REDIC1: variants seen among roughly 807,000 people sequenced by gnomAD.
REDIC1 encodes regulator of DNA class I crossover intermediates 1.
At chr12:39,799,558 A>G in the REDIC1 span, among the ~76,000 whole-genome samples, 1 of 152,198 alleles carries the variant, frequency 6.6e-6, no homozygotes, top group African/African-American at 2.4e-5. Context: ...AAAGTAAACA[A>G]GAAGATAGCC....
the REDIC1 span, among the ~76,000 whole-genome samples, chr12:39,698,305 A>T: frequency 6.6e-6 from 1 of 152,176 alleles, no homozygotes; most frequent in Admixed American, 6.5e-5. Context: ...ACAATTTTAA[A>T]TATATATGCA....
At chr12:39,881,371 A>G in the REDIC1 span, among the ~76,000 whole-genome samples, 116 of 152,286 alleles carry the variant, frequency 7.6e-4, no homozygotes, top group South Asian at 2.5e-3. Flanking sequence ...GATATGATGA[A>G]TTATTGTACA....
At chr12:39,829,870 CTTA>C in the REDIC1 span, 1 of 532,206 alleles carries the variant, frequency 1.9e-6, no homozygotes. Flanking sequence ...ACTCCTATAC[CTTA>C]TTAGAGAAAT....
the REDIC1 span, among the ~76,000 whole-genome samples, chr12:39,677,392 A>G: frequency 4.6e-5 from 7 of 152,180 alleles, no homozygotes; most frequent in South Asian, 8.3e-4. Flanking sequence ...ACAGGAAAAT[A>G]TCACAATCCT....
the REDIC1 span, among the ~76,000 whole-genome samples, chr12:39,866,599 C>A: frequency 6.6e-6 from 1 of 151,988 alleles, no homozygotes; most frequent in African/African-American, 2.4e-5. Context: ...CCTGCCTCAG[C>A]CTCTGGAGTA....
At chr12:39,717,465 A>T in the REDIC1 span, among the ~76,000 whole-genome samples, 53 of 152,172 alleles carry the variant, frequency 3.5e-4, no homozygotes, top group African/African-American at 1.1e-3. Flanking sequence ...GATCATCATA[A>T]ATCATCATAA....
chr12:39,704,712 C>T, the REDIC1 span, among the ~76,000 whole-genome samples: 6 of 152,230 alleles, frequency 3.9e-5, no homozygotes, highest in Admixed American at 2.6e-4. Flanking sequence ...GAAAATGTGG[C>T]ACATATAGAG....
At chr12:39,626,206 C>G in the REDIC1 span, 1 of 928,852 alleles carries the variant, frequency 1.1e-6, no homozygotes, top group East Asian at 2.5e-5. Context: ...GGCGGTGGAC[C>G]AGAAGGAGCT....
the REDIC1 span, among the ~76,000 whole-genome samples, chr12:39,711,437 A>G: frequency 1.5e-5 from 1 of 66,558 alleles, no homozygotes; most frequent in Non-Finnish European, 3.8e-5. Flanking sequence ...GTATATGTAT[A>G]TGTGTGTACA....
At chr12:39,719,417 G>C in the REDIC1 span, among the ~76,000 whole-genome samples, 1 of 152,024 alleles carries the variant, frequency 6.6e-6, no homozygotes, top group South Asian at 2.1e-4. Context: ...CTTGAGCCCA[G>C]GAGTTCGTGA....
chr12:39,689,563 A>G, the REDIC1 span, among the ~76,000 whole-genome samples: 2 of 152,178 alleles, frequency 1.3e-5, no homozygotes, highest in Non-Finnish European at 2.9e-5. Flanking sequence ...ATCCAAGTAT[A>G]TGATTCTCGA....
the REDIC1 span, among the ~76,000 whole-genome samples, chr12:39,670,510 T>C: frequency 3.9e-5 from 6 of 152,196 alleles, no homozygotes; most frequent in African/African-American, 1.4e-4. Context: ...CTTTTGACTG[T>C]TTGACTATAA....
chr12:39,891,808 A>G, the REDIC1 span, among the ~76,000 whole-genome samples: 1 of 152,158 alleles, frequency 6.6e-6, no homozygotes, highest in Non-Finnish European at 1.5e-5. Context: ...ACATTTATCT[A>G]CAGTCTTTTC....
At chr12:39,792,812 A>AC in the REDIC1 span, among the ~76,000 whole-genome samples, 1 of 150,986 alleles carries the variant, frequency 6.6e-6, no homozygotes, top group South Asian at 2.1e-4. Flanking sequence ...TGAAAAAAAA[A>AC]AACCCCACAT....
At chr12:39,769,890 T>C in the REDIC1 span, among the ~76,000 whole-genome samples, 1 of 152,072 alleles carries the variant, frequency 6.6e-6, no homozygotes, top group East Asian at 1.9e-4. Context: ...AACTTTTATG[T>C]GGTCTTTTTC....
At chr12:39,828,391 C>T in the REDIC1 span, among the ~76,000 whole-genome samples, 1 of 151,390 alleles carries the variant, frequency 6.6e-6, no homozygotes, top group East Asian at 1.9e-4. Context: ...TGTGCAGTTA[C>T]AGGATGATGG....
At chr12:39,717,671 A>G in the REDIC1 span, among the ~76,000 whole-genome samples, 1 of 152,102 alleles carries the variant, frequency 6.6e-6, no homozygotes, top group Non-Finnish European at 1.5e-5. Flanking sequence ...TTCTCTAAAA[A>G]TGTTTTAATA....
At chr12:39,694,791 A>C in the REDIC1 span, among the ~76,000 whole-genome samples, 2 of 151,674 alleles carry the variant, frequency 1.3e-5, no homozygotes, top group Non-Finnish European at 1.5e-5. Flanking sequence ...TGTGGCAATC[A>C]CCCCTCCCGT....
the REDIC1 span, among the ~76,000 whole-genome samples, chr12:39,886,167 A>AT: frequency 6.6e-6 from 1 of 152,152 alleles, no homozygotes; most frequent in African/African-American, 2.4e-5. Flanking sequence ...AAGATGATCA[A>AT]TTTTTTAACA....
Sources: allele counts gnomAD v4.1 joint callset (sites outside exome capture counted in the v4.1 genomes callset), GRCh38; gene constraint gnomAD v4.1.1; transcripts MANE v1.5; gene names NCBI Gene and HGNC (gene_info 2026-07-23, HGNC 2026-07-21).